CFAP299: variants seen among roughly 807,000 people sequenced by gnomAD.
CFAP299 encodes the protein cilia and flagella associated protein 299, also known as cilia- and flagella-associated protein 299.
Under a neutral mutation model 27.0 loss-of-function variants are expected in CFAP299, and 21 were observed. The observed-to-expected ratio is 0.78, with a 90% confidence interval of 0.55 to 1.12. CFAP299 has a LOEUF of 1.12. Among genes scored for constraint, CFAP299 ranks in the 50% most tolerant of loss-of-function variants. CFAP299 has a pLI of 0.00. For synonymous variants in CFAP299, 104 were observed against 98.1 expected (o/e 1.06, Z -0.36); for missense variants, 310 against 276.6 (o/e 1.12, Z -0.86).
At position 80,843,650 on chromosome 4, in the gene CFAP299, G is replaced by A. The variant is rs369653164; in HGVS notation, c.334-26343G>A. On this transcript the variant is annotated intron_variant, in intron 3 of 5. Transcript: ENST00000358105. Reference sequence around the variant, plus strand: ...TCTAGTTCTAGATCCCTGAGGAATCGCCACACTGTCTTCCACAATGGCTGA... The same window carrying A: ...TCTAGTTCTAGATCCCTGAGGAATCACCACACTGTCTTCCACAATGGCTGA... 9.9e-5 allele frequency among the ~76,000 whole-genome samples: 15 copies of A among 152,022 alleles called. No individual in the cohort carries two copies. The East Asian group carries it at 1.9e-3, about 20-fold the overall frequency.
At chr4:80,550,512 A>G (rs943386109) in intron 2 of CFAP299, among the ~76,000 whole-genome samples, 2 of 152,014 alleles carry the variant, frequency 1.3e-5, no homozygotes, top group African/African-American at 4.8e-5. Context: ...ATGTCTTTAG[A>G]TATTTGGTTG....
chr4:80,812,318 G>A (rs1485037756), intron 3 of CFAP299, among the ~76,000 whole-genome samples: 1 of 152,050 alleles, frequency 6.6e-6, no homozygotes, highest in Admixed American at 6.6e-5. Context: ...TGCACACACT[G>A]ACACTGTGAA....
chr4:80,888,441 G>A (rs1578214035), intron 4 of CFAP299, among the ~76,000 whole-genome samples: 1 of 151,952 alleles, frequency 6.6e-6, no homozygotes, highest in East Asian at 1.9e-4. Context: ...TTAATGATTG[G>A]AAATATATGT....
At chr4:80,335,924 G>T (rs773263251) in intron 1 of CFAP299, 45 bp downstream of exon 1, 2 of 1,244,702 alleles carry the variant, frequency 1.6e-6, no homozygotes, top group Non-Finnish European at 2.4e-6. Flanking sequence ...CGCGTCCCTC[G>T]GTCCCTCCTC....
chr4:80,608,428 C>T (rs930110460), intron 3 of CFAP299: 2 of 1,318,156 alleles, frequency 1.5e-6, no homozygotes, highest in East Asian at 2.5e-5. Flanking sequence ...GTTAGAAAAA[C>T]ATTTTGGCTT....
rs184588450 is a variant in CFAP299, at chr4:80,954,917, G to T, written c.607-8600G>T. ...TGGGAGGCTGAGGCAGGAGAATGGC[G>T]TGAACCCAGGAGACGGAGCTTGCAG... is the stretch of plus-strand genomic sequence containing the variant. On this transcript the variant is annotated intron_variant, in intron 5 of 5. Transcript: ENST00000358105. Among the ~76,000 whole-genome samples, 11 of 144,354 alleles carry T rather than the reference G, an allele frequency of 7.6e-5. No individual in the cohort carries two copies. In the East Asian group the frequency reaches 2.0e-3, roughly 27 times the overall value. The allele number at this position is 144,354 out of a possible 152,430, so 94.7% of individuals were successfully genotyped here.
At chr4:80,345,014 A>G (rs1330568741) in intron 1 of CFAP299, among the ~76,000 whole-genome samples, 3 of 152,238 alleles carry the variant, frequency 2.0e-5, no homozygotes, top group African/African-American at 4.8e-5. Flanking sequence ...ATATATGTCA[A>G]GCCCACAGAC....
chr4:80,837,765 T>C (rs1465065484), intron 3 of CFAP299, among the ~76,000 whole-genome samples: 1 of 152,166 alleles, frequency 6.6e-6, no homozygotes, highest in Non-Finnish European at 1.5e-5. Flanking sequence ...TGCATCTTTA[T>C]AGTAGAATGG....
At chr4:80,519,087 A>G (rs1489964781) in intron 2 of CFAP299, among the ~76,000 whole-genome samples, 1 of 152,152 alleles carries the variant, frequency 6.6e-6, no homozygotes, top group Non-Finnish European at 1.5e-5. Flanking sequence ...TTTCTGCTTC[A>G]TCTTTGCAAT....
chr4:80,637,220 G>A (rs1053454262), intron 3 of CFAP299, among the ~76,000 whole-genome samples: 10 of 152,128 alleles, frequency 6.6e-5, no homozygotes, highest in Non-Finnish European at 1.2e-4. Flanking sequence ...AAGAGGTATG[G>A]TTAATATCCC....
chr4:80,621,827 A>G (rs568463609), intron 3 of CFAP299, among the ~76,000 whole-genome samples: 1 of 152,324 alleles, frequency 6.6e-6, no homozygotes, highest in Admixed American at 6.5e-5. Flanking sequence ...CCTGGGTCTT[A>G]AAAGCAGTAA....
chr4:80,719,010 G>C (rs1722659629), intron 3 of CFAP299, among the ~76,000 whole-genome samples: 1 of 152,030 alleles, frequency 6.6e-6, no homozygotes, highest in Admixed American at 6.6e-5. Context: ...TGGAGTTTGG[G>C]GGCCATTATT....
intron 5 of CFAP299, among the ~76,000 whole-genome samples, chr4:80,954,659 AG>A (rs1737958565): frequency 6.6e-6 from 1 of 152,154 alleles, no homozygotes; most frequent in African/African-American, 2.4e-5. Flanking sequence ...GGTTGCTCCA[AG>A]GGGATAGGTT....
chr4:80,509,435 T>A (rs1732191293), intron 2 of CFAP299, among the ~76,000 whole-genome samples: 1 of 152,144 alleles, frequency 6.6e-6, no homozygotes, highest in African/African-American at 2.4e-5. Flanking sequence ...GCTAAGTAAA[T>A]ACCAGAATCT....
intron 2 of CFAP299, among the ~76,000 whole-genome samples, chr4:80,531,749 T>G (rs1225252594): frequency 3.3e-5 from 4 of 122,020 alleles, no homozygotes. Context: ...AGATAGAAGT[T>G]TTTTTTTTTT....
intron 3 of CFAP299, among the ~76,000 whole-genome samples, chr4:80,703,612 G>A (rs1391043318): frequency 6.7e-6 from 1 of 148,612 alleles, no homozygotes; most frequent in Non-Finnish European, 1.5e-5. Context: ...TTTTTTTTTT[G>A]CTTAAAAATA....
chr4:80,753,351 A>C (rs979893528), intron 3 of CFAP299, among the ~76,000 whole-genome samples: 4 of 151,916 alleles, frequency 2.6e-5, no homozygotes, highest in African/African-American at 4.8e-5. Flanking sequence ...GTCTTATATA[A>C]TTCTTCTGTA....
At chr4:80,387,908 C>T (rs1358336515) in intron 2 of CFAP299, 3 of 899,494 alleles carry the variant, frequency 3.3e-6, no homozygotes, top group Non-Finnish European at 5.6e-6. Context: ...CCCCCGGTGG[C>T]ACTGGTCATG....
At chr4:80,409,553 TGAA>T (rs1277004707) in intron 2 of CFAP299, among the ~76,000 whole-genome samples, 1 of 152,196 alleles carries the variant, frequency 6.6e-6, no homozygotes, top group Admixed American at 6.5e-5. Context: ...ATAGGTATCA[TGAA>T]GAAAACATGT....
Sources: allele counts gnomAD v4.1 joint callset (sites outside exome capture counted in the v4.1 genomes callset), GRCh38; gene constraint gnomAD v4.1.1; transcripts MANE v1.5; gene names NCBI Gene and HGNC (gene_info 2026-07-23, HGNC 2026-07-21).